Variants in SLC22A9 observed in about 807,000 individuals in gnomAD.
SLC22A9 encodes solute carrier family 22 member 9.
In SLC22A9, 64 loss-of-function variants were observed where a neutral mutation model predicts 50.1. The ratio of observed to expected loss-of-function variants is 1.28; its 90% CI spans 1.04 to 1.57. SLC22A9 has a LOEUF of 1.57. SLC22A9 is among the 40% of genes most tolerant of loss of function. SLC22A9 has a pLI of 0.00. For synonymous variants in SLC22A9, 261 were observed against 242.5 expected (o/e 1.08, Z -0.71); for missense variants, 757 against 676.1 (o/e 1.12, Z -1.33).
intron 6 of SLC22A9, among the ~76,000 whole-genome samples, chr11:63,390,398 A>G (rs2014742817): frequency 1.3e-5 from 2 of 152,132 alleles, no homozygotes; most frequent in Admixed American, 1.3e-4. Flanking sequence ...GCATGTGGCT[A>G]GCCAGTTTTT....
At chr11:63,378,999 T>A (rs2014513676) in intron 5 of SLC22A9, among the ~76,000 whole-genome samples, 2 of 152,092 alleles carry the variant, frequency 1.3e-5, no homozygotes, top group Non-Finnish European at 1.5e-5. Flanking sequence ...ACATTTTTTA[T>A]AGAATTAGAG....
At position 63,410,064 on chromosome 11, in the gene SLC22A9, C is replaced by A. The variant is rs527490819; in HGVS notation, c.*202C>A. On this transcript the variant is annotated 3_prime_UTR_variant, in exon 10 of 10. Transcript: ENST00000279178. ...GACCACCCTGGCCAACATGGTGAAACCCTGTCTCTACTAAAACAAATACAA... is the reference window on the plus strand; with the variant it reads ...GACCACCCTGGCCAACATGGTGAAAACCTGTCTCTACTAAAACAAATACAA... 3.5e-5 allele frequency: 16 copies of A among 462,048 alleles called. No individual in the cohort carries two copies. The East Asian group carries it at 5.6e-4, about 16-fold the overall frequency. The allele number at this position is 462,048 out of a possible 1,614,324, so 28.6% of individuals were successfully genotyped here. A position where few individuals can be genotyped will look rare whatever the true frequency, so the allele number is the denominator to read the frequency against.
chr11:63,387,254 G>A (rs924146330), intron 6 of SLC22A9, among the ~76,000 whole-genome samples: 2 of 151,858 alleles, frequency 1.3e-5, no homozygotes, highest in African/African-American at 4.8e-5. Context: ...ATTTTTTCTT[G>A]TAGCAGTTTC....
Position 63,370,029 on chromosome 11 carries a change from C to A in SLC22A9, c.-28C>A. 6.3e-7 allele frequency: 1 copy of A among 1,590,652 alleles called. No individual in the cohort carries two copies. Reference sequence around the variant, plus strand: ...CTCTCTGGATACAGTCATTTTGCCTCTACTTGAGGATCAACTGTTCAACCT... The same window carrying A: ...CTCTCTGGATACAGTCATTTTGCCTATACTTGAGGATCAACTGTTCAACCT... On this transcript the variant is annotated 5_prime_UTR_variant, in exon 1 of 10. Transcript: ENST00000279178.
At chr11:63,373,567 A>T in intron 2 of SLC22A9, 77 bp from the exon 3 acceptor site, 1 of 1,392,520 alleles carries the variant, frequency 7.2e-7, no homozygotes, top group Non-Finnish European at 9.5e-7. Context: ...TTTAAGTTTC[A>T]AAGTGTGCCT....
intron 9 of SLC22A9, 26 bp from the exon 10 acceptor site, chr11:63,409,776 T>G: frequency 6.2e-7 from 1 of 1,611,062 alleles, no homozygotes; most frequent in Middle Eastern, 1.7e-4. Flanking sequence ...TGTGATTTTT[T>G]GTTGGTTTCT....
intron 7 of SLC22A9, 21 bp downstream of exon 7, chr11:63,406,732 G>A: frequency 6.2e-7 from 1 of 1,610,280 alleles, no homozygotes; most frequent in Non-Finnish European, 8.5e-7. Context: ...ATCACAGGTG[G>A]AAGAGAGAAA....
rs1380909409 is a variant in SLC22A9 at position 63,373,706 on chromosome 11, C to A, written c.569C>A (p.Ala190Glu). The change falls in exon 3 of 10, where the codon GCA (alanine) becomes GAA (glutamate). Residue 190 changes from alanine (A) to glutamate (E), a missense_variant. Physicochemically the swap from Ala to Glu is moderately radical, Grantham distance 107. Coordinates refer to ENST00000279178, the MANE Select transcript of SLC22A9 (RefSeq NM_080866.3). ...CAGGTTGCCATTGTTGGCACCTGTG[C>A]AGCCTTGGCTCCCACCTTCCTCATT... ...YLQVAIVGTC[A>E]ALAPTFLIYC... The A allele has an allele frequency of 6.2e-7, 1 of 1,612,416 alleles. No homozygotes were observed. The highest frequency in any genetic ancestry group is 1.7e-5 in the Admixed American group (1 of 59,712).
intron 5 of SLC22A9, 75 bp downstream of exon 5, chr11:63,375,843 C>T: frequency 6.5e-7 from 1 of 1,538,242 alleles, no homozygotes. Context: ...GTAGCAGTGT[C>T]CATAAGGTAA....
intron 6 of SLC22A9, among the ~76,000 whole-genome samples, chr11:63,399,122 A>C (rs2014910757): frequency 6.6e-6 from 1 of 152,240 alleles, no homozygotes. Context: ...TATACACAAA[A>C]AAGAAAGGAA....
intron 6 of SLC22A9, 106 bp from the exon 7 acceptor site, chr11:63,406,391 C>T: frequency 1.0e-6 from 1 of 952,416 alleles, no homozygotes; most frequent in Non-Finnish European, 1.6e-6. Flanking sequence ...TAGACCCAGC[C>T]TTTATACTTT....
intron 9 of SLC22A9, 118 bp downstream of exon 9, chr11:63,408,997 C>G: frequency 8.8e-7 from 1 of 1,130,110 alleles, no homozygotes; most frequent in Non-Finnish European, 1.3e-6. Context: ...TAGGATTTTC[C>G]CATGTAATCA....
intron 6 of SLC22A9, among the ~76,000 whole-genome samples, chr11:63,383,011 C>A (rs1331536664): frequency 6.6e-6 from 1 of 152,130 alleles, no homozygotes; most frequent in Non-Finnish European, 1.5e-5. Context: ...ACATCTGGGC[C>A]TTTTGACACA....
At position 63,406,583 on chromosome 11, in the gene SLC22A9, G is replaced by C. The variant is rs2015043030; in HGVS notation, c.1160G>C (p.Gly387Ala). 1.9e-6 allele frequency: 3 copies of C among 1,613,632 alleles called. No homozygotes were observed. In the African/African-American group the frequency reaches 4.0e-5, roughly 22 times the overall value. Residue 387 changes from glycine to alanine, a missense_variant, in exon 7 of 10, where the codon GGT becomes GCT. Physicochemically the swap from Gly to Ala is moderately conservative, Grantham distance 60. Transcript: ENST00000279178. ...NNVFLLQTLF[G>A]AVILLANCVA... ...GTTTTCCTGTTGCAGACTCTCTTTG[G>C]TGCAGTCATCCTCCTGGCCAACTGT... is the stretch of plus-strand genomic sequence containing the variant.
chr11:63,382,680 A>T (rs2014587220), intron 6 of SLC22A9, among the ~76,000 whole-genome samples: 1 of 152,204 alleles, frequency 6.6e-6, no homozygotes, highest in South Asian at 2.1e-4. Context: ...AGGTACATAA[A>T]AACCTCTAAA....
chr11:63,409,943 A>G lies in SLC22A9; in HGVS notation c.*81A>G, dbSNP rs1408652778. The G allele has an allele frequency of 6.6e-7, 1 of 1,513,872 alleles. No homozygotes were observed. 93.8% of individuals were successfully genotyped at this position (1,513,872 alleles called of 1,614,324 possible). On this transcript the variant is annotated 3_prime_UTR_variant, in exon 10 of 10. Coordinates refer to ENST00000279178, the MANE Select transcript of SLC22A9 (RefSeq NM_080866.3). ...CTATTCCTAGACACTAGCAAAATCT[A>G]GAAAATAAATAACAAGGCTGGGTGC...
intron 6 of SLC22A9, among the ~76,000 whole-genome samples, chr11:63,401,983 T>C (rs963788215): frequency 7.2e-5 from 11 of 152,122 alleles, no homozygotes; most frequent in Non-Finnish European, 1.6e-4. Flanking sequence ...GTTGCTTTAT[T>C]TGAGTCCCAC....
In SLC22A9 at chr11:63,373,951, C is replaced by A; in HGVS notation, c.719C>A (p.Pro240His). 1 of 1,613,614 alleles carries A rather than the reference C, an allele frequency of 6.2e-7. No homozygotes were observed. Among genetic ancestry groups the A allele is most frequent in the Non-Finnish European group, 8.5e-7 (1 of 1,179,768 alleles). The change falls in exon 4 of 10, where the codon CCT becomes CAT. Residue 240 changes from proline to histidine, a missense_variant. Pro to His is a moderately conservative substitution (Grantham distance 77, BLOSUM62 -2). Coordinates refer to ENST00000279178, the MANE Select transcript of SLC22A9 (RefSeq NM_080866.3). ...ATGGGAATTACATTGGGAATGTGCC[C>A]TTCTGGTATTGCATTTATGACCCTG... Reference protein sequence around the residue: ...QAMGITLGMCPSGIAFMTLAG... With the variant: ...QAMGITLGMCHSGIAFMTLAG...
rs187913653 is a variant in SLC22A9, at chr11:63,410,012, G to A, written c.*150G>A. On this transcript the variant is annotated 3_prime_UTR_variant, in exon 10 of 10. Coordinates refer to ENST00000279178, the MANE Select transcript of SLC22A9 (RefSeq NM_080866.3). Reference sequence around the variant, plus strand: ...TCCCAGCACCTTGGGAGGCTGAGGCGGGCAGATCATGAGGTCAGAAGATAA... The same window carrying A: ...TCCCAGCACCTTGGGAGGCTGAGGCAGGCAGATCATGAGGTCAGAAGATAA... 33 of 730,124 alleles carry A rather than the reference G, an allele frequency of 4.5e-5. No individual in the cohort carries two copies. Among genetic ancestry groups the A allele is most frequent in the African/African-American group, 3.8e-4 (21 of 55,712 alleles). 45.2% of individuals were successfully genotyped at this position (730,124 alleles called of 1,614,324 possible). A position where few individuals can be genotyped will look rare whatever the true frequency, so the allele number is the denominator to read the frequency against.
Sources: gnomAD v4.1 joint callset for allele counts (sites outside exome capture counted in the v4.1 genomes callset) on GRCh38, gnomAD v4.1.1 for gene constraint, MANE v1.5 for transcripts, NCBI Gene and HGNC (gene_info 2026-07-23, HGNC 2026-07-21) for gene names.